The following PICALM variants were observed in gnomAD, a reference collection of about 807,000 sequenced individuals.
The protein encoded by PICALM is phosphatidylinositol binding clathrin assembly protein.
In PICALM, 40 loss-of-function variants were observed where a neutral mutation model predicts 80.5. The observed-to-expected ratio is 0.50, with a 90% CI of 0.39 to 0.65. PICALM has a LOEUF of 0.65. PICALM is among the 30% of genes least tolerant of loss of function. The pLI is 0.00. For synonymous variants in PICALM, 288 were observed against 260.3 expected (o/e 1.11, Z -1.02); for missense variants, 676 against 778.9 (o/e 0.87, Z 1.57).
In PICALM at chr11:85,990,353, G is replaced by T. The variant is rs1265629678; in HGVS notation, c.1305C>A (p.Ser435Arg). ...TACTTTTTGTGAGGAAAGGATTTAA[G>T]CTTGGAATGGCATCATCAACAGCAT... ...TVDAVDDAIP[S>R]LNPFLTKSSG... Residue 435 changes from serine (S) to arginine (R), a missense_variant, in exon 13 of 20, where the codon AGC becomes AGA. Coordinates refer to ENST00000393346, the MANE Select transcript of PICALM (RefSeq NM_007166.4). 1.9e-6 allele frequency: 3 copies of T among 1,607,700 alleles called. No individual in the cohort carries two copies. The highest frequency in any genetic ancestry group is 2.7e-5 in the African/African-American group (2 of 74,928).
chr11:86,052,758 T>G (rs750060680), intron 1 of PICALM, among the ~76,000 whole-genome samples: 4 of 152,170 alleles, frequency 2.6e-5, no homozygotes, highest in Non-Finnish European at 5.9e-5. Flanking sequence ...AAAAGCTATA[T>G]CTAAAGGTCA....
intron 17 of PICALM, among the ~76,000 whole-genome samples, chr11:85,979,703 T>C (rs2094384360): frequency 6.6e-6 from 1 of 152,162 alleles, no homozygotes; most frequent in Non-Finnish European, 1.5e-5. Flanking sequence ...TAACATATCA[T>C]TAACCCACGG....
intron 1 of PICALM, among the ~76,000 whole-genome samples, chr11:86,050,161 C>T (rs550339642): frequency 4.8e-5 from 7 of 146,256 alleles, no homozygotes; most frequent in East Asian, 4.0e-4. Context: ...GCAGAGATCG[C>T]GCCACTGCAC....
chr11:86,069,027 T>G lies in PICALM; in HGVS notation c.-247A>C. ...CCCCGCCTCAGTTCAGCCCACCCCT[T>G]CCCGGGTCAGCTGGAGCCGGGCAGG... On this transcript the variant is annotated 5_prime_UTR_variant, in exon 1 of 20. Transcript: ENST00000393346. 2.0e-6 allele frequency: 1 copy of G among 489,876 alleles called. No individual in the cohort carries two copies. Among genetic ancestry groups the G allele is most frequent in the South Asian group, 2.7e-5 (1 of 37,252 alleles). 30.3% of individuals were successfully genotyped at this position (489,876 alleles called of 1,614,324 possible). A position where few individuals can be genotyped will look rare whatever the true frequency, so the allele number is the denominator to read the frequency against.
chr11:85,993,412 C>CT (rs1031234113), intron 12 of PICALM, among the ~76,000 whole-genome samples: 24 of 150,422 alleles, frequency 1.6e-4, no homozygotes, highest in South Asian at 6.4e-4. Context: ...AGTTTTGTCC[C>CT]TTTTTTTTTC....
At chr11:86,012,077 C>A (rs1381390088) in intron 6 of PICALM, among the ~76,000 whole-genome samples, 1 of 152,100 alleles carries the variant, frequency 6.6e-6, no homozygotes, top group Non-Finnish European at 1.5e-5. Context: ...AAATAAAGTT[C>A]ATCTTGCTGA....
At chr11:85,987,644 T>C (rs1214982169) in intron 13 of PICALM, among the ~76,000 whole-genome samples, 1 of 152,234 alleles carries the variant, frequency 6.6e-6, no homozygotes, top group East Asian at 1.9e-4. Flanking sequence ...TTAAATTCTT[T>C]AAATTTTCTG....
intron 1 of PICALM, among the ~76,000 whole-genome samples, chr11:86,032,453 T>A (rs1260722760): frequency 1.3e-5 from 2 of 152,008 alleles, no homozygotes; most frequent in Admixed American, 6.6e-5. Context: ...TGAAACCCCA[T>A]CTTTACTAAT....
chr11:85,992,386 G>A (rs965196484), intron 12 of PICALM, among the ~76,000 whole-genome samples: 2 of 151,738 alleles, frequency 1.3e-5, no homozygotes, highest in African/African-American at 4.8e-5. Context: ...CTGGGTTCAA[G>A]CAATTCTCCT....
At chr11:86,038,296 G>C (rs751772541) in intron 1 of PICALM, among the ~76,000 whole-genome samples, 6 of 152,016 alleles carry the variant, frequency 3.9e-5, no homozygotes, top group Non-Finnish European at 7.4e-5. Flanking sequence ...ACTCCAACCT[G>C]GGCAACAGAG....
chr11:85,981,485 G>A (rs1485157429), intron 16 of PICALM, among the ~76,000 whole-genome samples: 1 of 152,076 alleles, frequency 6.6e-6, no homozygotes, highest in Non-Finnish European at 1.5e-5. Flanking sequence ...GTGGGTGCCT[G>A]TAGTCCAGCT....
intron 16 of PICALM, 112 bp downstream of exon 16, chr11:85,981,633 T>C (rs545327501): frequency 5.2e-4 from 393 of 757,490 alleles, no homozygotes; most frequent in Non-Finnish European, 6.0e-4. Flanking sequence ...GATGCAGACT[T>C]GATATCTCTA....
intron 1 of PICALM, among the ~76,000 whole-genome samples, chr11:86,045,389 C>A (rs992213873): frequency 4.0e-5 from 6 of 151,866 alleles, no homozygotes; most frequent in African/African-American, 1.2e-4. Flanking sequence ...GTAGTCCCAG[C>A]CACTCAGGAG....
At chr11:86,057,708 C>T (rs1363183353) in intron 1 of PICALM, among the ~76,000 whole-genome samples, 2 of 152,136 alleles carry the variant, frequency 1.3e-5, no homozygotes. Context: ...CATGCGCAGA[C>T]ATTTTTCCTT....
chr11:86,041,885 GA>G (rs35376109), intron 1 of PICALM, among the ~76,000 whole-genome samples: 1 of 152,138 alleles, frequency 6.6e-6, no homozygotes, highest in Admixed American at 6.5e-5. Flanking sequence ...ATGCTCTATA[GA>G]AAAACATATA....
chr11:85,998,268 C>T (rs536233501), intron 11 of PICALM, among the ~76,000 whole-genome samples: 6 of 151,818 alleles, frequency 4.0e-5, no homozygotes, highest in Non-Finnish European at 7.4e-5. Context: ...CCTGCCACCA[C>T]GCCCGGCTAA....
At chr11:86,052,314 T>C (rs1013457382) in intron 1 of PICALM, among the ~76,000 whole-genome samples, 12 of 152,234 alleles carry the variant, frequency 7.9e-5, no homozygotes, top group Non-Finnish European at 1.5e-4. Flanking sequence ...TGCAGAACTG[T>C]GAGTCAATTA....
In PICALM at chr11:85,979,973, A is replaced by G. The variant is rs144375796; in HGVS notation, c.1779+1156T>C. Among the ~76,000 whole-genome samples the G allele has an allele frequency of 5.2e-3, 790 of 152,364 alleles. 10 individuals are homozygous for G. Among genetic ancestry groups the G allele is most frequent in the Middle Eastern group, 0.051 (15 of 294 alleles). On this transcript the variant is annotated intron_variant, in intron 17 of 19. Transcript: ENST00000393346. ...GGTCTACCATACCTTACAGTAATTA[A>G]AACATACTAAAACCTCTTCATTACT...
chr11:85,996,197 T>C (rs1460500056), intron 12 of PICALM, among the ~76,000 whole-genome samples: 1 of 152,160 alleles, frequency 6.6e-6, no homozygotes, highest in Non-Finnish European at 1.5e-5. Flanking sequence ...AAAAACTCAT[T>C]AGAATAATTA....
Sources: allele counts gnomAD v4.1 joint callset (sites outside exome capture counted in the v4.1 genomes callset), GRCh38; gene constraint gnomAD v4.1.1; transcripts MANE v1.5; gene names NCBI Gene and HGNC (gene_info 2026-07-23, HGNC 2026-07-21).